Variants in FCHSD2 observed in about 807,000 individuals in gnomAD.
FCHSD2 encodes the protein F-BAR and double SH3 domains protein 2.
Under a neutral mutation model 108.1 loss-of-function variants are expected in FCHSD2, and 38 were observed. The observed-to-expected ratio is 0.35, with a 90% CI of 0.27 to 0.46. The LOEUF (loss-of-function observed/expected upper bound fraction) is 0.46. Ranked by LOEUF, FCHSD2 falls within the 20% of genes least tolerant of loss-of-function variation. The pLI is 1.00. For missense variants in FCHSD2, 751 were observed against 897.8 expected, an observed-to-expected ratio of 0.84 and a Z score of 2.09; for synonymous variants, 279 against 314.7, an observed-to-expected ratio of 0.89 and a Z score of 1.20.
At chr11:72,858,389 TG>T (rs1370252018) in intron 13 of FCHSD2, among the ~76,000 whole-genome samples, 1 of 152,192 alleles carries the variant, frequency 6.6e-6, no homozygotes, top group African/African-American at 2.4e-5. Context: ...AATGGTAGAC[TG>T]GATAAAGAAA....
intron 8 of FCHSD2, among the ~76,000 whole-genome samples, chr11:72,960,123 G>T (rs1479166801): frequency 6.6e-6 from 1 of 152,154 alleles, no homozygotes; most frequent in Non-Finnish European, 1.5e-5. Context: ...ACAGTGCCAG[G>T]ATCTATTTCT....
chr11:73,125,827 T>C (rs561214313), intron 2 of FCHSD2, among the ~76,000 whole-genome samples: 1 of 152,078 alleles, frequency 6.6e-6, no homozygotes. Flanking sequence ...TTTCAATTGA[T>C]TCAATGTAAC....
chr11:72,986,175 T>C (rs946630231), intron 6 of FCHSD2, among the ~76,000 whole-genome samples: 1 of 152,190 alleles, frequency 6.6e-6, no homozygotes, highest in Non-Finnish European at 1.5e-5. Flanking sequence ...CCTGTTATTT[T>C]TTACCTTGTC....
intron 2 of FCHSD2, among the ~76,000 whole-genome samples, chr11:73,122,557 T>C (rs961437847): frequency 6.6e-6 from 1 of 152,210 alleles, no homozygotes; most frequent in African/African-American, 2.4e-5. Context: ...GGCTAAGGAA[T>C]AGAGACTTAA....
At position 72,904,888 on chromosome 11, in the gene FCHSD2, A is replaced by T. The variant is rs540027946; in HGVS notation, c.829-2250T>A. Among the ~76,000 whole-genome samples, 6 of 152,294 alleles carry T rather than the reference A, an allele frequency of 3.9e-5. 1 individual carries two copies. Among genetic ancestry groups the T allele is most frequent in the Admixed American group, 1.3e-4 (2 of 15,294 alleles). On this transcript the variant is annotated intron_variant, in intron 9 of 19. Coordinates refer to ENST00000409418, the MANE Select transcript of FCHSD2 (RefSeq NM_014824.3). Reference sequence around the variant, plus strand: ...CCTGTAGTCTGGGAAGAAATGACAAACATGTAATTTTTATTACATCCTTGT... The same window carrying T: ...CCTGTAGTCTGGGAAGAAATGACAATCATGTAATTTTTATTACATCCTTGT...
chr11:72,868,719 A>C (rs1054431663), intron 12 of FCHSD2, among the ~76,000 whole-genome samples: 19 of 148,408 alleles, frequency 1.3e-4, no homozygotes, highest in African/African-American at 4.4e-4. Flanking sequence ...ACAAACAAAC[A>C]AACCAAGAAA....
intron 8 of FCHSD2, among the ~76,000 whole-genome samples, chr11:72,965,385 G>A (rs575505875): frequency 6.6e-6 from 1 of 152,238 alleles, no homozygotes; most frequent in South Asian, 2.1e-4. Context: ...AAACACAGTA[G>A]GAAACAATAC....
intron 13 of FCHSD2, among the ~76,000 whole-genome samples, chr11:72,861,376 T>C (rs1466858624): frequency 7.9e-6 from 1 of 126,666 alleles, no homozygotes; most frequent in Non-Finnish European, 1.6e-5. Context: ...AGAAATGGAG[T>C]CTATTATTTA....
chr11:72,845,740 G>A (rs541508594), intron 14 of FCHSD2, among the ~76,000 whole-genome samples: 4 of 152,190 alleles, frequency 2.6e-5, no homozygotes, highest in South Asian at 4.2e-4. Context: ...GTGTTCTTCC[G>A]TCCATCAGGC....
At chr11:72,919,498 T>A (rs2135307867) in intron 9 of FCHSD2, among the ~76,000 whole-genome samples, 1 of 152,316 alleles carries the variant, frequency 6.6e-6, no homozygotes, top group South Asian at 2.1e-4. Flanking sequence ...TATGTGTGAG[T>A]GTGTAACCTC....
At chr11:72,929,030 T>C (rs375904291) in intron 8 of FCHSD2, among the ~76,000 whole-genome samples, 1 of 152,228 alleles carries the variant, frequency 6.6e-6, no homozygotes, top group East Asian at 1.9e-4. Flanking sequence ...GCTTCATCCA[T>C]GTCCCTACAA....
intron 3 of FCHSD2, among the ~76,000 whole-genome samples, chr11:73,036,429 C>T (rs1363983800): frequency 6.6e-6 from 1 of 151,878 alleles, no homozygotes; most frequent in African/African-American, 2.4e-5. Context: ...CCAAGCTCTA[C>T]TATTTATTTA....
At chr11:73,068,213 G>A (rs1859342068) in intron 3 of FCHSD2, among the ~76,000 whole-genome samples, 1 of 151,854 alleles carries the variant, frequency 6.6e-6, no homozygotes, top group African/African-American at 2.4e-5. Context: ...AATAAATGAA[G>A]AAATAATTTC....
Position 72,836,924 on chromosome 11 carries a change from C to A in FCHSD2, c.*1867G>T, listed in dbSNP as rs1860746561. The A allele has an allele frequency of 6.6e-6, 1 of 152,424 alleles. No individual in the cohort carries two copies. The highest frequency in any genetic ancestry group is 1.5e-5 in the Non-Finnish European group (1 of 68,010). The allele number at this position is 152,424 out of a possible 1,614,324, so 9.4% of individuals were successfully genotyped here. A position where few individuals can be genotyped will look rare whatever the true frequency, so the allele number is the denominator to read the frequency against. ...TTTTTAAAAAGGAGGCATGTTTTCACAACTTTGTTTTTTAAAATAAAATTA... is the reference window on the plus strand; with the variant it reads ...TTTTTAAAAAGGAGGCATGTTTTCAAAACTTTGTTTTTTAAAATAAAATTA... On this transcript the variant is annotated 3_prime_UTR_variant, in exon 20 of 20. Coordinates refer to ENST00000409418, the MANE Select transcript of FCHSD2 (RefSeq NM_014824.3).
chr11:73,120,557 C>T (rs1860707723), intron 2 of FCHSD2, among the ~76,000 whole-genome samples: 1 of 151,918 alleles, frequency 6.6e-6, no homozygotes, highest in Non-Finnish European at 1.5e-5. Flanking sequence ...TGGTGAAACC[C>T]CGTCTCTACT....
At chr11:73,039,915 T>C (rs1348189362) in intron 3 of FCHSD2, among the ~76,000 whole-genome samples, 5 of 65,918 alleles carry the variant, frequency 7.6e-5, no homozygotes, top group African/African-American at 2.7e-4. Context: ...CCCTAATTAA[T>C]ATTCATGAGG....
chr11:72,946,298 A>G (rs539158499), intron 8 of FCHSD2, among the ~76,000 whole-genome samples: 5 of 151,818 alleles, frequency 3.3e-5, no homozygotes, highest in African/African-American at 1.2e-4. Flanking sequence ...TCGCAAGGAC[A>G]AAAAACCAAA....
At chr11:73,028,282 T>A (rs1232550787) in intron 3 of FCHSD2, among the ~76,000 whole-genome samples, 1 of 152,196 alleles carries the variant, frequency 6.6e-6, no homozygotes, top group African/African-American at 2.4e-5. Flanking sequence ...GGAGCCCACA[T>A]CTTGCAACAG....
At chr11:72,875,874 T>G (rs530080204) in intron 12 of FCHSD2, among the ~76,000 whole-genome samples, 2 of 152,222 alleles carry the variant, frequency 1.3e-5, no homozygotes, top group Non-Finnish European at 2.9e-5. Flanking sequence ...TGAAATATGC[T>G]GCCACCATGC....
Sources: allele counts gnomAD v4.1 joint callset (sites outside exome capture counted in the v4.1 genomes callset), GRCh38; gene constraint gnomAD v4.1.1; transcripts MANE v1.5; gene names NCBI Gene and HGNC (gene_info 2026-07-23, HGNC 2026-07-21).